The following TNFAIP8 variants were observed in gnomAD, a reference collection of about 807,000 sequenced individuals.
The protein encoded by TNFAIP8 is TNF alpha induced protein 8.
A neutral mutation model predicts 13.3 loss-of-function variants in TNFAIP8; 7 were observed. The observed-to-expected ratio is 0.52, with a 90% CI of 0.30 to 0.99. The LOEUF is 0.99. TNFAIP8 is among the 50% of genes least tolerant of loss of function. The pLI is 0.07. For synonymous variants in TNFAIP8, 94 were observed against 87.6 expected (o/e 1.07, Z -0.41); for missense variants, 258 against 236.9 (o/e 1.09, Z -0.58).
upstream of TNFAIP8, among the ~76,000 whole-genome samples, chr5:119,351,788 C>CTTTTTTTTTT (rs1177061965): frequency 1.0e-4 from 14 of 138,278 alleles, 1 homozygote; most frequent in African/African-American, 2.7e-4. Context: ...TTTTCTTTTT[C>CTTTTTTTTTT]TTTTTTTCTT....
At chr5:119,385,119 G>C (rs1216519501) in intron 1 of TNFAIP8, among the ~76,000 whole-genome samples, 1 of 152,162 alleles carries the variant, frequency 6.6e-6, no homozygotes, top group Admixed American at 6.5e-5. Flanking sequence ...TACACTGCTG[G>C]ATCTTTTCAG....
chr5:119,311,559 C>G (rs777979931), intron 1 of TNFAIP8, among the ~76,000 whole-genome samples: 3 of 151,588 alleles, frequency 2.0e-5, no homozygotes. Flanking sequence ...GGTGTGGTGG[C>G]GCACCTGTGG....
intron 1 of TNFAIP8, among the ~76,000 whole-genome samples, chr5:119,343,740 T>A (rs1174199329): frequency 6.6e-6 from 1 of 152,208 alleles, no homozygotes; most frequent in African/African-American, 2.4e-5. Flanking sequence ...TGTAGAAGTA[T>A]AGGTCCACTG....
intron 1 of TNFAIP8, among the ~76,000 whole-genome samples, chr5:119,363,673 CTTTCTTACACCAACCAG>C (rs1293750244): frequency 2.6e-4 from 39 of 152,230 alleles, no homozygotes; most frequent in African/African-American, 9.2e-4. Flanking sequence ...GTGAGAGGGT[CTTTCTTACACCAACCAG>C]TTTTCCAAAT....
intron 1 of TNFAIP8, among the ~76,000 whole-genome samples, chr5:119,348,030 T>G (rs895335491): frequency 1.3e-5 from 2 of 152,214 alleles, no homozygotes; most frequent in Non-Finnish European, 2.9e-5. Context: ...ATTTCAAATT[T>G]TGTTCAGAAA....
intron 1 of TNFAIP8, among the ~76,000 whole-genome samples, chr5:119,359,681 C>T (rs957768299): frequency 6.6e-6 from 1 of 152,160 alleles, no homozygotes; most frequent in Non-Finnish European, 1.5e-5. Flanking sequence ...CATGGTGTGG[C>T]AGCTTATATA....
At position 119,310,422 on chromosome 5, in the gene TNFAIP8, C is replaced by G. The variant is rs551007967; in HGVS notation, c.1+41515C>G. Among the ~76,000 whole-genome samples the G allele has an allele frequency of 2.6e-5, 4 of 152,272 alleles. No homozygotes were observed. In the East Asian group the frequency reaches 7.7e-4, roughly 29 times the overall value. On this transcript the variant is annotated intron_variant, in intron 1 of 1. Transcript: ENST00000274456. ...CAAAGGCTGTAGGCCAAGGCAGCGC[C>G]CACTGGAGGACTACAGGGCACCTCT... is the stretch of plus-strand genomic sequence containing the variant.
At position 119,339,290 on chromosome 5, in the gene TNFAIP8, T is replaced by TGA. The variant is rs566554720; in HGVS notation, c.2-53525_2-53524dup. On this transcript the variant is annotated intron_variant, in intron 1 of 1. Transcript: ENST00000274456. Reference sequence around the variant, plus strand: ...AGCTTATTGGCTATGGCATCTGCTGTGATGATTGGCTTAGGCTTGGGTTGC... The same window carrying TGA: ...AGCTTATTGGCTATGGCATCTGCTGTGAGATGATTGGCTTAGGCTTGGGTTGC... Among the ~76,000 whole-genome samples the TGA allele has an allele frequency of 5.3e-5, 8 of 152,206 alleles. No individual in the cohort carries two copies. The South Asian group carries it at 1.7e-3, about 32-fold the overall frequency.
chr5:119,319,241 T>C (rs1160885747), intron 1 of TNFAIP8, among the ~76,000 whole-genome samples: 1 of 152,192 alleles, frequency 6.6e-6, no homozygotes, highest in Non-Finnish European at 1.5e-5. Context: ...ACTACTACAC[T>C]TCAGCCTGGG....
chr5:119,362,149 G>A (rs914769085), intron 1 of TNFAIP8, among the ~76,000 whole-genome samples: 1 of 152,188 alleles, frequency 6.6e-6, no homozygotes, highest in African/African-American at 2.4e-5. Context: ...AGTCATGATG[G>A]ACAGAAGTGA....
intron 1 of TNFAIP8, among the ~76,000 whole-genome samples, chr5:119,334,769 G>A (rs140279154): frequency 2.6e-5 from 4 of 151,772 alleles, no homozygotes; most frequent in Admixed American, 6.6e-5. Context: ...GTGAGACTCC[G>A]TCTCAAAAAA....
At chr5:119,338,103 C>A (rs1443222791) in intron 1 of TNFAIP8, among the ~76,000 whole-genome samples, 2 of 151,272 alleles carry the variant, frequency 1.3e-5, no homozygotes, top group East Asian at 2.0e-4. Context: ...TGGGAGAGAT[C>A]CCAGGGCAGA....
At chr5:119,329,415 GC>G (rs970041152) in intron 1 of TNFAIP8, among the ~76,000 whole-genome samples, 1 of 152,198 alleles carries the variant, frequency 6.6e-6, no homozygotes, top group African/African-American at 2.4e-5. Context: ...AGCAGTCTCT[GC>G]CCCTGTGCTG....
intron 1 of TNFAIP8, among the ~76,000 whole-genome samples, chr5:119,359,611 T>C (rs1188779247): frequency 6.6e-6 from 1 of 152,136 alleles, no homozygotes; most frequent in African/African-American, 2.4e-5. Flanking sequence ...TCTTCTGTAA[T>C]AAGAATCCCA....
At chr5:119,357,031 A>C (rs1484294898) in intron 1 of TNFAIP8, among the ~76,000 whole-genome samples, 2 of 152,208 alleles carry the variant, frequency 1.3e-5, no homozygotes, top group African/African-American at 2.4e-5. Context: ...CAATCACAGC[A>C]GTTCTGGCAG....
chr5:119,344,322 C>T (rs370263347), intron 1 of TNFAIP8, among the ~76,000 whole-genome samples: 1 of 152,094 alleles, frequency 6.6e-6, no homozygotes, highest in Non-Finnish European at 1.5e-5. Flanking sequence ...AACCAGCTCT[C>T]GCATGAACTC....
intron 1 of TNFAIP8, chr5:119,333,771 C>A: frequency 4.0e-6 from 3 of 753,122 alleles, no homozygotes; most frequent in Non-Finnish European, 6.6e-6. Context: ...CTGTGTTCAA[C>A]AAATCACTGT....
At chr5:119,348,990 G>A (rs1751018848) in intron 1 of TNFAIP8, among the ~76,000 whole-genome samples, 1 of 150,964 alleles carries the variant, frequency 6.6e-6, no homozygotes, top group South Asian at 2.1e-4. Context: ...CTGCTTTTCT[G>A]AAGGAAGGCT....
intron 1 of TNFAIP8, among the ~76,000 whole-genome samples, chr5:119,293,388 T>C (rs1422012): frequency 0.77 from 117,259 of 152,120 alleles, 47,078 homozygotes; most frequent in East Asian, 0.95. Flanking sequence ...GTCACCTCCA[T>C]TTTACTCATT....
Sources: allele counts gnomAD v4.1 joint callset (sites outside exome capture counted in the v4.1 genomes callset), GRCh38; gene constraint gnomAD v4.1.1; transcripts MANE v1.5; gene names NCBI Gene and HGNC (gene_info 2026-07-23, HGNC 2026-07-21).